Variants in DISP1 observed in about 807,000 individuals in gnomAD.
The protein encoded by DISP1 is protein dispatched homolog 1.
Under a neutral mutation model 37.3 loss-of-function variants are expected in DISP1, and 30 were observed. That is an observed-to-expected ratio of 0.80 (90% CI 0.60 to 1.09). DISP1 has a LOEUF of 1.09. DISP1 is among the 50% of genes least tolerant of loss of function. The pLI is 0.00. For synonymous variants in DISP1, 634 were observed against 690.2 expected, an observed-to-expected ratio of 0.92 and a Z score of 1.28; for missense variants, 1,598 against 1,879.5, an observed-to-expected ratio of 0.85 and a Z score of 2.77.
At chr1:222,995,847 C>G (rs2609358) in intron 8 of DISP1, among the ~76,000 whole-genome samples, 148,896 of 152,256 alleles carry the variant, frequency 0.98, 72,884 homozygotes, top group East Asian at 1. Context: ...CTGACCACCT[C>G]ATGCAATCAC....
chr1:222,984,436 A>ATATG (rs1553254678), intron 4 of DISP1, among the ~76,000 whole-genome samples: 3 of 46,540 alleles, frequency 6.4e-5, no homozygotes, highest in East Asian at 3.9e-4. Flanking sequence ...ATATATATAT[A>ATATG]GAGAGAGAGA....
rs144081507 is a variant in DISP1, at chr1:222,985,364, A to G, written c.539+2255A>G. Among the ~76,000 whole-genome samples, 430 of 152,282 alleles carry G rather than the reference A, an allele frequency of 2.8e-3. 2 individuals carry two copies. The highest frequency in any genetic ancestry group is 0.01 in the African/African-American group (416 of 41,568). On this transcript the variant is annotated intron_variant, in intron 4 of 8. Transcript: ENST00000675850. The stretch of plus-strand genomic sequence containing the variant: ...ATCTGTACCCCTCTAAAAAACACAT[A>G]TTTTTGGCCGGGCACAGTGGCTCAC...
At chr1:222,887,436 A>G (rs1159895210) in intron 1 of DISP1, among the ~76,000 whole-genome samples, 1 of 152,000 alleles carries the variant, frequency 6.6e-6, no homozygotes, top group Non-Finnish European at 1.5e-5. Context: ...GTTAGTTTTA[A>G]ACATAATAGT....
chr1:222,948,223 A>G (rs1674937656), intron 3 of DISP1, among the ~76,000 whole-genome samples: 1 of 152,228 alleles, frequency 6.6e-6, no homozygotes, highest in Non-Finnish European at 1.5e-5. Flanking sequence ...GCTGAGTAAT[A>G]CATGACAATG....
chr1:222,966,815 AG>A (rs1208070566), intron 3 of DISP1, among the ~76,000 whole-genome samples: 1 of 152,166 alleles, frequency 6.6e-6, no homozygotes, highest in African/African-American at 2.4e-5. Context: ...TGAAGACTTG[AG>A]TGAAATCAGA....
chr1:222,901,505 G>C (rs1671580290), intron 1 of DISP1, among the ~76,000 whole-genome samples: 1 of 151,560 alleles, frequency 6.6e-6, no homozygotes, highest in Non-Finnish European at 1.5e-5. Context: ...ATTTTTGTTT[G>C]TTTGTTTGTT....
At chr1:222,842,076 T>C (rs978413273) in intron 1 of DISP1, among the ~76,000 whole-genome samples, 1 of 152,146 alleles carries the variant, frequency 6.6e-6, no homozygotes, top group Non-Finnish European at 1.5e-5. Context: ...TTACCTTGTT[T>C]AGTGGTCTAG....
intron 7 of DISP1, among the ~76,000 whole-genome samples, chr1:222,994,537 G>T (rs894706126): frequency 6.6e-6 from 1 of 152,108 alleles, no homozygotes; most frequent in Non-Finnish European, 1.5e-5. Context: ...TTTTGTATTA[G>T]GGTGATGTGT....
At chr1:222,878,105 C>A (rs943900913) in intron 1 of DISP1, among the ~76,000 whole-genome samples, 10 of 152,152 alleles carry the variant, frequency 6.6e-5, no homozygotes, top group Admixed American at 5.2e-4. Context: ...CTAAAGTTCC[C>A]TAAAATCAGT....
intron 1 of DISP1, among the ~76,000 whole-genome samples, chr1:222,897,513 T>C (rs1317595584): frequency 6.6e-6 from 1 of 152,206 alleles, no homozygotes; most frequent in Non-Finnish European, 1.5e-5. Context: ...ACATGAAACT[T>C]TTAAAAATAA....
chr1:222,887,977 G>A (rs1572430899), intron 1 of DISP1, among the ~76,000 whole-genome samples: 1 of 152,264 alleles, frequency 6.6e-6, no homozygotes, highest in East Asian at 1.9e-4. Flanking sequence ...CTGGGTTCAG[G>A]TTGGGACCCT....
chr1:222,904,850 G>A (rs1267025123), intron 1 of DISP1, among the ~76,000 whole-genome samples: 10 of 152,148 alleles, frequency 6.6e-5, no homozygotes, highest in African/African-American at 2.4e-4. Context: ...ATAGGCGTGA[G>A]CCACTGCCCC....
chr1:222,825,574 C>T (rs982235704), intron 1 of DISP1, among the ~76,000 whole-genome samples: 2 of 149,306 alleles, frequency 1.3e-5, no homozygotes, highest in African/African-American at 5.0e-5. Context: ...GATCTTGGCT[C>T]ACTGCAACCT....
At chr1:222,861,937 T>C (rs1222734826) in intron 1 of DISP1, among the ~76,000 whole-genome samples, 1 of 152,192 alleles carries the variant, frequency 6.6e-6, no homozygotes, top group Non-Finnish European at 1.5e-5. Flanking sequence ...AAATGTGTTT[T>C]TTTATAGTAC....
intron 1 of DISP1, among the ~76,000 whole-genome samples, chr1:222,903,083 A>C (rs1359585215): frequency 6.6e-6 from 1 of 151,850 alleles, no homozygotes; most frequent in Non-Finnish European, 1.5e-5. Flanking sequence ...TGGATTAAGA[A>C]AATGTGGCAC....
At chr1:222,882,314 A>ATT (rs1286631996) in intron 1 of DISP1, among the ~76,000 whole-genome samples, 1 of 152,154 alleles carries the variant, frequency 6.6e-6, no homozygotes, top group Non-Finnish European at 1.5e-5. Flanking sequence ...AGCCTCTCAA[A>ATT]TTAATTCCTT....
At chr1:222,949,265 G>A (rs945923069) in intron 3 of DISP1, among the ~76,000 whole-genome samples, 2 of 151,946 alleles carry the variant, frequency 1.3e-5, no homozygotes, top group Admixed American at 6.6e-5. Context: ...GTGGTGGTGC[G>A]CACCTGTAGT....
chr1:222,984,751 G>T (rs901077625), intron 4 of DISP1, among the ~76,000 whole-genome samples: 9 of 151,638 alleles, frequency 5.9e-5, no homozygotes, highest in African/African-American at 2.2e-4. Flanking sequence ...TTTTTCTGTT[G>T]TAAAACTGAA....
intron 1 of DISP1, among the ~76,000 whole-genome samples, chr1:222,883,629 A>T (rs1670406454): frequency 6.6e-6 from 1 of 152,200 alleles, no homozygotes; most frequent in Admixed American, 6.5e-5. Context: ...ATAAATAAAT[A>T]AATAAAGATT....
Sources: allele counts gnomAD v4.1 joint callset (sites outside exome capture counted in the v4.1 genomes callset), GRCh38; gene constraint gnomAD v4.1.1; transcripts MANE v1.5; gene names NCBI Gene and HGNC (gene_info 2026-07-23, HGNC 2026-07-21).